Variants in VPS13B observed in about 807,000 individuals in gnomAD.
VPS13B encodes vacuolar protein sorting 13 homolog B.
In VPS13B, 285 loss-of-function variants were observed where a neutral mutation model predicts 426.4. The observed-to-expected ratio is 0.67, with a 90% confidence interval of 0.61 to 0.74. VPS13B has a LOEUF of 0.74. Ranked by LOEUF, VPS13B falls within the 30% of genes least tolerant of loss-of-function variation. The pLI is 0.00. For missense variants in VPS13B, 4,537 were observed against 4,782.6 expected, an observed-to-expected ratio of 0.95 and a Z score of 1.51; for synonymous variants, 1,676 against 1,676.4, an observed-to-expected ratio of 1.00 and a Z score of 0.01.
At chr8:99,394,984 CT>C (rs1814649585) in intron 21 of VPS13B, among the ~76,000 whole-genome samples, 1 of 152,184 alleles carries the variant, frequency 6.6e-6, no homozygotes, top group Non-Finnish European at 1.5e-5. Flanking sequence ...CTGTAAACAA[CT>C]AACAAACTGG....
chr8:99,731,138 A>G (rs1296735143), intron 39 of VPS13B, among the ~76,000 whole-genome samples: 1 of 152,200 alleles, frequency 6.6e-6, no homozygotes, highest in African/African-American at 2.4e-5. Context: ...TTAGACAAGT[A>G]TGGGATTAGT....
rs530389337 is a variant in VPS13B, at chr8:99,156,868, G to A, written c.2208+125G>A. ...ACTCTAAAAGGTAAGATTTAAATAA[G>A]AAATAAGATGTATTTATTCCAATAA... is the stretch of plus-strand genomic sequence containing the variant. On this transcript the variant is annotated intron_variant, in intron 15 of 61. Transcript: ENST00000357162. The A allele has an allele frequency of 6.1e-4, 503 of 819,168 alleles. 1 individual carries two copies. Among genetic ancestry groups the A allele is most frequent in the South Asian group, 1.5e-3 (82 of 54,826 alleles). 50.7% of individuals were successfully genotyped at this position (819,168 alleles called of 1,614,324 possible).
At chr8:99,234,385 A>T in intron 17 of VPS13B, 1 of 714,068 alleles carries the variant, frequency 1.4e-6, no homozygotes, top group Admixed American at 1.8e-5. Context: ...TTCAAATCTG[A>T]ATTTTCCTGT....
chr8:99,147,211 A>C (rs2132594534), intron 13 of VPS13B, among the ~76,000 whole-genome samples: 1 of 152,242 alleles, frequency 6.6e-6, no homozygotes, highest in Non-Finnish European at 1.5e-5. Context: ...TCCCGGGTTC[A>C]AGAGATTCTC....
At chr8:99,044,008 C>T (rs555209619) in intron 3 of VPS13B, among the ~76,000 whole-genome samples, 1 of 151,514 alleles carries the variant, frequency 6.6e-6, no homozygotes, top group African/African-American at 2.4e-5. Flanking sequence ...AAATACTTTC[C>T]TGCAACCATG....
intron 25 of VPS13B, among the ~76,000 whole-genome samples, chr8:99,495,216 C>G (rs1820822227): frequency 6.6e-6 from 1 of 152,112 alleles, no homozygotes; most frequent in African/African-American, 2.4e-5. Context: ...AATACTAACT[C>G]ACATTATGAT....
chr8:99,416,110 T>A (rs1348697791), intron 21 of VPS13B, among the ~76,000 whole-genome samples: 1 of 152,224 alleles, frequency 6.6e-6, no homozygotes, highest in Non-Finnish European at 1.5e-5. Context: ...AGAGATGCTC[T>A]GCACAGAGAG....
intron 35 of VPS13B, among the ~76,000 whole-genome samples, chr8:99,668,477 A>T (rs1283850125): frequency 1.3e-5 from 2 of 152,086 alleles, no homozygotes; most frequent in Non-Finnish European, 2.9e-5. Context: ...AGCCTTTTAG[A>T]TGTATTTTGC....
intron 23 of VPS13B, among the ~76,000 whole-genome samples, chr8:99,458,940 A>C (rs1818679360): frequency 2.0e-5 from 3 of 152,032 alleles, no homozygotes; most frequent in Admixed American, 2.0e-4. Flanking sequence ...CCCATTTGTC[A>C]ATTTTGGCTT....
At chr8:99,722,062 A>G (rs779908051) in intron 39 of VPS13B, among the ~76,000 whole-genome samples, 1 of 152,218 alleles carries the variant, frequency 6.6e-6, no homozygotes, top group African/African-American at 2.4e-5. Flanking sequence ...GCAAGGACCT[A>G]TAGTCTGGAC....
At chr8:99,188,780 G>C (rs371389425) in intron 16 of VPS13B, among the ~76,000 whole-genome samples, 1 of 152,088 alleles carries the variant, frequency 6.6e-6, no homozygotes, top group African/African-American at 2.4e-5. Context: ...GGTATGAAGT[G>C]GTATCTTGTG....
At chr8:99,845,684 C>A (rs1372756241) in intron 54 of VPS13B, among the ~76,000 whole-genome samples, 1 of 152,194 alleles carries the variant, frequency 6.6e-6, no homozygotes, top group Non-Finnish European at 1.5e-5. Context: ...TACACAAGGG[C>A]ATGGATACTG....
At chr8:99,397,293 G>A (rs1210722872) in intron 21 of VPS13B, among the ~76,000 whole-genome samples, 1 of 151,998 alleles carries the variant, frequency 6.6e-6, no homozygotes. Flanking sequence ...CTACAGGCAC[G>A]TGCCACATGC....
intron 35 of VPS13B, among the ~76,000 whole-genome samples, chr8:99,665,678 A>T (rs1316480493): frequency 2.0e-5 from 3 of 152,112 alleles, no homozygotes; most frequent in Non-Finnish European, 2.9e-5. Context: ...ATTGGTCTAT[A>T]GCTCTGTTTT....
intron 2 of VPS13B, among the ~76,000 whole-genome samples, chr8:99,030,465 T>A (rs1382256953): frequency 6.7e-6 from 1 of 150,360 alleles, no homozygotes; most frequent in South Asian, 2.1e-4. Flanking sequence ...TGAGTGAGTG[T>A]GTGTGTGTGT....
At chr8:99,725,471 AC>A (rs1833306200) in intron 39 of VPS13B, among the ~76,000 whole-genome samples, 1 of 152,168 alleles carries the variant, frequency 6.6e-6, no homozygotes, top group South Asian at 2.1e-4. Flanking sequence ...TGAGAATCTA[AC>A]CAATGCCTGA....
chr8:99,139,244 G>A (rs987683097), intron 12 of VPS13B, among the ~76,000 whole-genome samples: 3 of 152,008 alleles, frequency 2.0e-5, no homozygotes, highest in African/African-American at 4.8e-5. Flanking sequence ...CTTTACTGGA[G>A]GAGATTGCTG....
chr8:99,431,434 T>C (rs1817105856), intron 21 of VPS13B, 103 bp from the exon 22 acceptor site: 5 of 1,404,912 alleles, frequency 3.6e-6, no homozygotes, highest in Non-Finnish European at 4.9e-6. Flanking sequence ...ATAAAAATTA[T>C]AATTTTAAGC....
In VPS13B at chr8:99,828,407, T is replaced by TGC. The variant is rs1563495291; in HGVS notation, c.9331-3962_9331-3961insGC. ...ATTACAACCACCGTTTTTTTTTTTT[T>TGC]TTTTTTTTTTTTTTTTTTTTTTTTT... On this transcript the variant is annotated intron_variant, in intron 51 of 61. Transcript: ENST00000357162. 4.5e-3 allele frequency among the ~76,000 whole-genome samples: 235 copies of TGC among 52,184 alleles called. 40 individuals carry two copies. Among genetic ancestry groups the TGC allele is most frequent in the African/African-American group, 0.016 (217 of 13,228 alleles). 34.2% of individuals were successfully genotyped at this position (52,184 alleles called of 152,430 possible). A position where few individuals can be genotyped will look rare whatever the true frequency, so the allele number is the denominator to read the frequency against.
Sources: allele counts gnomAD v4.1 joint callset (sites outside exome capture counted in the v4.1 genomes callset), GRCh38; gene constraint gnomAD v4.1.1; transcripts MANE v1.5; gene names NCBI Gene and HGNC (gene_info 2026-07-23, HGNC 2026-07-21).